PARM1: variants seen among roughly 807,000 people sequenced by gnomAD.
PARM1 encodes the protein prostate androgen-regulated mucin-like protein 1.
In PARM1, 14 loss-of-function variants were observed where a neutral mutation model predicts 24.6. The observed-to-expected ratio is 0.57, with a 90% CI of 0.38 to 0.89. The LOEUF is 0.89. PARM1 is among the 40% of genes least tolerant of loss of function. The probability of loss-of-function intolerance (pLI) is 0.00; values close to 1 mark genes in which losing one functional copy is unlikely to be tolerated. For missense variants in PARM1, 362 were observed against 380.4 expected (o/e 0.95, Z 0.40); for synonymous variants, 179 against 156.6 (o/e 1.14, Z -1.07).
chr4:75,015,231 A>G (rs1210858864), intron 2 of PARM1, among the ~76,000 whole-genome samples: 1 of 152,224 alleles, frequency 6.6e-6, no homozygotes, highest in African/African-American at 2.4e-5. Context: ...GGGTTATTCA[A>G]GACAGTTCTG....
chr4:74,976,553 A>T (rs567980560), intron 1 of PARM1, among the ~76,000 whole-genome samples: 3 of 152,216 alleles, frequency 2.0e-5, no homozygotes, highest in Non-Finnish European at 4.4e-5. Flanking sequence ...GGCAGTCCAC[A>T]TGAGGAGGAC....
intron 1 of PARM1, among the ~76,000 whole-genome samples, chr4:74,935,000 T>TTC (rs1292233135): frequency 2.7e-5 from 4 of 148,028 alleles, no homozygotes; most frequent in South Asian, 2.2e-4. Flanking sequence ...TTTTTTCTTT[T>TTC]TTTTTTTTTT....
intron 1 of PARM1, among the ~76,000 whole-genome samples, chr4:74,997,357 A>G (rs1388936448): frequency 6.6e-6 from 1 of 152,166 alleles, no homozygotes; most frequent in Non-Finnish European, 1.5e-5. Context: ...GATCATTTAG[A>G]AGGGTATATG....
intron 1 of PARM1, among the ~76,000 whole-genome samples, chr4:74,936,450 T>G (rs1408541564): frequency 9.4e-6 from 1 of 106,918 alleles, no homozygotes; most frequent in African/African-American, 3.4e-5. Flanking sequence ...TTTTTTTTTG[T>G]TTGTTTTTTT....
intron 2 of PARM1, 57 bp downstream of exon 2, chr4:75,013,207 A>G (rs1722915596): frequency 1.3e-6 from 2 of 1,522,168 alleles, no homozygotes; most frequent in Non-Finnish European, 1.8e-6. Context: ...TTAAGAATGC[A>G]GTTCAGTGAA....
intron 2 of PARM1, among the ~76,000 whole-genome samples, chr4:75,033,013 A>ATGT (rs1272322631): frequency 6.6e-6 from 1 of 152,226 alleles, no homozygotes; most frequent in African/African-American, 2.4e-5. Flanking sequence ...CACAAAAAGC[A>ATGT]TGTTGTGCTT....
chr4:74,955,631 A>T (rs1464428493), intron 1 of PARM1, among the ~76,000 whole-genome samples: 1 of 152,216 alleles, frequency 6.6e-6, no homozygotes, highest in Non-Finnish European at 1.5e-5. Flanking sequence ...CCTCCTCAGG[A>T]TATCTAGTAC....
At chr4:74,948,431 T>C (rs1721447703) in intron 1 of PARM1, among the ~76,000 whole-genome samples, 1 of 152,236 alleles carries the variant, frequency 6.6e-6, no homozygotes, top group African/African-American at 2.4e-5. Context: ...CTTTATGATC[T>C]CTGAGAGAAG....
chr4:75,009,781 T>A (rs1722838449), intron 1 of PARM1, among the ~76,000 whole-genome samples: 1 of 152,236 alleles, frequency 6.6e-6, no homozygotes, highest in Admixed American at 6.5e-5. Context: ...CCTAATGCTG[T>A]CCTAGGCTCA....
intron 2 of PARM1, among the ~76,000 whole-genome samples, chr4:75,020,082 C>T (rs1378766765): frequency 7.0e-6 from 1 of 142,924 alleles, no homozygotes; most frequent in African/African-American, 2.6e-5. Flanking sequence ...AAGTTAATGA[C>T]CATCATGTTT....
intron 1 of PARM1, among the ~76,000 whole-genome samples, chr4:74,939,215 T>C (rs1721253572): frequency 6.6e-6 from 1 of 152,202 alleles, no homozygotes; most frequent in South Asian, 2.1e-4. Flanking sequence ...CATGGGGCTT[T>C]AGTTACCCTG....
intron 1 of PARM1, among the ~76,000 whole-genome samples, chr4:74,974,832 A>C (rs1490222640): frequency 6.6e-6 from 1 of 152,156 alleles, no homozygotes; most frequent in Admixed American, 6.5e-5. Flanking sequence ...CCTTCTAAGA[A>C]GAAACACCAG....
intron 1 of PARM1, among the ~76,000 whole-genome samples, chr4:74,939,189 A>AT (rs1721253049): frequency 6.6e-6 from 1 of 152,144 alleles, no homozygotes; most frequent in Non-Finnish European, 1.5e-5. Context: ...GATTAGCTTT[A>AT]TTTTGAAGCC....
chr4:75,021,218 A>G (rs1723083091), intron 2 of PARM1, among the ~76,000 whole-genome samples: 1 of 152,172 alleles, frequency 6.6e-6, no homozygotes, highest in African/African-American at 2.4e-5. Flanking sequence ...TTGAAATGAA[A>G]ATGAAGAAAA....
chr4:74,998,783 G>A (rs1185905997), intron 1 of PARM1, among the ~76,000 whole-genome samples: 2 of 152,128 alleles, frequency 1.3e-5, no homozygotes, highest in Non-Finnish European at 2.9e-5. Context: ...TCTTTATTCA[G>A]GGAAAGAATG....
At chr4:75,024,860 C>T (rs547988777) in intron 2 of PARM1, among the ~76,000 whole-genome samples, 6 of 152,178 alleles carry the variant, frequency 3.9e-5, no homozygotes, top group South Asian at 2.1e-4. Context: ...CACCACGCCC[C>T]GCTAATTATT....
At chr4:74,952,003 G>A (rs1560773662) in intron 1 of PARM1, among the ~76,000 whole-genome samples, 2 of 152,164 alleles carry the variant, frequency 1.3e-5, no homozygotes, top group Non-Finnish European at 2.9e-5. Context: ...GATCCTTAAG[G>A]AATTGCCATA....
intron 1 of PARM1, among the ~76,000 whole-genome samples, chr4:74,985,873 A>G (rs1722345542): frequency 6.6e-6 from 1 of 152,112 alleles, no homozygotes; most frequent in Non-Finnish European, 1.5e-5. Flanking sequence ...GGTTCAAGTG[A>G]TTCTCCAGCC....
chr4:74,992,961 A>G (rs1722508679), intron 1 of PARM1, among the ~76,000 whole-genome samples: 1 of 152,176 alleles, frequency 6.6e-6, no homozygotes, highest in South Asian at 2.1e-4. Flanking sequence ...ATTATAACAT[A>G]TATACAAATA....
Sources: allele counts gnomAD v4.1 joint callset (sites outside exome capture counted in the v4.1 genomes callset), GRCh38; gene constraint gnomAD v4.1.1; transcripts MANE v1.5; gene names NCBI Gene and HGNC (gene_info 2026-07-23, HGNC 2026-07-21).